The following PPP4R1 variants were observed in gnomAD, a reference collection of about 807,000 sequenced individuals.
PPP4R1 encodes protein phosphatase 4 regulatory subunit 1.
In PPP4R1, 42 loss-of-function variants were observed where a neutral mutation model predicts 111.2. The ratio of observed to expected loss-of-function variants is 0.38; its 90% CI spans 0.29 to 0.49. The LOEUF (loss-of-function observed/expected upper bound fraction) is 0.49, where lower values mean the gene tolerates loss of function less well. Ranked by LOEUF, PPP4R1 falls within the 20% of genes least tolerant of loss-of-function variation. The pLI is 0.97. For missense variants in PPP4R1, 1,012 were observed against 1,161.6 expected (o/e 0.87, Z 1.87); for synonymous variants, 409 against 405.5 (o/e 1.01, Z -0.10).
In PPP4R1 at chr18:9,562,496, A is replaced by T. The variant is rs2066694010; in HGVS notation, c.1747-421T>A. ...CAAATTATATATATGTTAACAGCCA[A>T]AAACAGTAACAACAACAACAACATA... On this transcript the variant is annotated intron_variant, in intron 12 of 19. Coordinates refer to ENST00000400556, the MANE Select transcript of PPP4R1 (RefSeq NM_001042388.3). Among the ~76,000 whole-genome samples, 3 of 152,220 alleles carry T rather than the reference A, an allele frequency of 2.0e-5. No homozygotes were observed. In the South Asian group the frequency reaches 6.2e-4, roughly 31 times the overall value.
intron 6 of PPP4R1, among the ~76,000 whole-genome samples, chr18:9,585,225 A>C (rs936210703): frequency 3.9e-5 from 6 of 152,170 alleles, no homozygotes; most frequent in African/African-American, 1.4e-4. Flanking sequence ...TTCAAAGGGA[A>C]AACTATCCCC....
At chr18:9,561,889 T>C in intron 13 of PPP4R1, 91 bp downstream of exon 13, 2 of 999,898 alleles carry the variant, frequency 2.0e-6, no homozygotes, top group Non-Finnish European at 3.1e-6. Context: ...AGAACACTCA[T>C]CATAAAGAAG....
At chr18:9,611,357 A>G (rs950631288) in intron 2 of PPP4R1, among the ~76,000 whole-genome samples, 8 of 151,970 alleles carry the variant, frequency 5.3e-5, no homozygotes, top group Admixed American at 3.3e-4. Flanking sequence ...GGGCAGCCCA[A>G]GCTCCGTTCC....
Position 9,559,577 on chromosome 18 carries a change from G to A in PPP4R1, c.1870C>T (p.Gln624Ter). 2 of 1,607,454 alleles carry A rather than the reference G, an allele frequency of 1.2e-6. No homozygotes were observed. The highest frequency in any genetic ancestry group is 8.5e-7 in the Non-Finnish European group (1 of 1,176,340). ...GAAGGGTCAGTCATAGATAAATACTGATCTAACAACGCCTGAGGTACAACA... is the reference window on the plus strand; with the variant it reads ...GAAGGGTCAGTCATAGATAAATACTAATCTAACAACGCCTGAGGTACAACA... ...QDVVPQALLDQYLSMTDPSRA... is the reference protein window; with the variant it reads ...QDVVPQALLD Residue 624 changes from glutamine to a stop codon, truncating the protein, a stop_gained, in exon 14 of 20, where the codon CAG (glutamine) becomes TAG (stop). Transcript: ENST00000400556. LOFTEE classifies it high-confidence loss of function.
intron 9 of PPP4R1, 49 bp downstream of exon 9, chr18:9,583,068 A>G: frequency 1.4e-6 from 2 of 1,466,946 alleles, no homozygotes; most frequent in Non-Finnish European, 1.8e-6. Context: ...GTTTGCTTTA[A>G]AACGGACACA....
intron 16 of PPP4R1, among the ~76,000 whole-genome samples, chr18:9,552,389 T>G (rs2144980206): frequency 6.6e-6 from 1 of 152,278 alleles, no homozygotes; most frequent in Admixed American, 6.5e-5. Flanking sequence ...GATAAGCGAG[T>G]GATGGATATG....
intron 2 of PPP4R1, among the ~76,000 whole-genome samples, chr18:9,604,847 C>T (rs948678100): frequency 6.6e-6 from 1 of 152,096 alleles, no homozygotes; most frequent in Non-Finnish European, 1.5e-5. Flanking sequence ...CATGGAGGCA[C>T]ATTCATTAAT....
intron 9 of PPP4R1, among the ~76,000 whole-genome samples, chr18:9,578,078 C>T (rs890045405): frequency 5.3e-5 from 8 of 152,078 alleles, no homozygotes; most frequent in Non-Finnish European, 1.0e-4. Context: ...CACTTCATGT[C>T]GTATTTCTGT....
chr18:9,587,083 G>A (rs1436375504), intron 6 of PPP4R1, among the ~76,000 whole-genome samples: 1 of 152,162 alleles, frequency 6.6e-6, no homozygotes, highest in Non-Finnish European at 1.5e-5. Flanking sequence ...GTCAGAGCAG[G>A]AGCAAAGTAT....
At chr18:9,553,857 A>G (rs1355092843) in intron 15 of PPP4R1, among the ~76,000 whole-genome samples, 1 of 152,232 alleles carries the variant, frequency 6.6e-6, no homozygotes, top group Non-Finnish European at 1.5e-5. Flanking sequence ...AAATAAATGT[A>G]TCCCAATAGC....
At chr18:9,584,363 C>T (rs1412174705) in intron 8 of PPP4R1, 152 bp downstream of exon 8, 4 of 560,922 alleles carry the variant, frequency 7.1e-6, no homozygotes, top group Non-Finnish European at 1.2e-5. Context: ...GCCCAGATTA[C>T]AGATATTTAA....
intron 11 of PPP4R1, chr18:9,563,779 C>A (rs112258713): frequency 1.1e-4 from 40 of 369,520 alleles, no homozygotes; most frequent in Non-Finnish European, 1.9e-4. Flanking sequence ...TGCTACTGTA[C>A]ATTATTCTGC....
intron 15 of PPP4R1, among the ~76,000 whole-genome samples, chr18:9,555,459 T>A (rs1196321924): frequency 6.6e-6 from 1 of 152,134 alleles, no homozygotes; most frequent in Non-Finnish European, 1.5e-5. Flanking sequence ...AAAAAGATAT[T>A]CAGAGTTCTA....
At position 9,570,029 on chromosome 18, in the gene PPP4R1, T is replaced by C. The variant is rs182620079; in HGVS notation, c.1573+128A>G. On this transcript the variant is annotated intron_variant, in intron 11 of 19. Coordinates refer to ENST00000400556, the MANE Select transcript of PPP4R1 (RefSeq NM_001042388.3). ...CCTCTCAAAGTGCTGGTATTATAGGTATGAGTCACTGTGCCCAGTCCATAA... is the reference window on the plus strand; with the variant it reads ...CCTCTCAAAGTGCTGGTATTATAGGCATGAGTCACTGTGCCCAGTCCATAA... The C allele has an allele frequency of 1.5e-3, 1,449 of 986,230 alleles. 3 individuals are homozygous for C. Among genetic ancestry groups the C allele is most frequent in the Non-Finnish European group, 1.9e-3 (1,354 of 719,258 alleles). 61.1% of individuals were successfully genotyped at this position (986,230 alleles called of 1,614,324 possible). A position where few individuals can be genotyped will look rare whatever the true frequency, so the allele number is the denominator to read the frequency against.
intron 9 of PPP4R1, among the ~76,000 whole-genome samples, chr18:9,577,633 C>T (rs926039079): frequency 1.3e-5 from 2 of 152,166 alleles, no homozygotes; most frequent in Non-Finnish European, 2.9e-5. Flanking sequence ...CACCACTGTA[C>T]TCCAGCCTGG....
intron 12 of PPP4R1, among the ~76,000 whole-genome samples, chr18:9,562,486 T>G (rs1370701892): frequency 6.6e-6 from 1 of 152,182 alleles, no homozygotes; most frequent in Non-Finnish European, 1.5e-5. Flanking sequence ...TATATATATG[T>G]TAACAGCCAA....
Position 9,550,103 on chromosome 18 carries a change from A to C in PPP4R1, c.2496T>G (p.Phe832Leu). 6.2e-7 allele frequency: 1 copy of C among 1,614,252 alleles called. No individual in the cohort carries two copies. The highest frequency in any genetic ancestry group is 8.5e-7 in the Non-Finnish European group (1 of 1,180,036). The change falls in exon 18 of 20, where the codon TTT (phenylalanine) becomes TTG (leucine). Residue 832 changes from phenylalanine to leucine, a missense_variant. By Grantham distance (22) the Phe-to-Leu change is conservative. Around this residue, in one of 2 missense-constraint regions of PPP4R1, gnomAD observed 305 missense variants for 419.5 expected, o/e 0.73. Transcript: ENST00000400556. ...VDLINELVEN[F>L]GRCPKWSGRQ... ...GACCAGACCACTTGGGACATCTGCC[A>C]AAGTTCTCCACAAGCTCATTGATGA...
intron 2 of PPP4R1, among the ~76,000 whole-genome samples, chr18:9,613,233 T>C (rs1194441502): frequency 6.6e-6 from 1 of 152,360 alleles, no homozygotes; most frequent in East Asian, 1.9e-4. Flanking sequence ...TTGCACACTC[T>C]GCATTTTTAA....
chr18:9,572,467 C>A (rs922922088), intron 10 of PPP4R1, among the ~76,000 whole-genome samples: 1 of 152,072 alleles, frequency 6.6e-6, no homozygotes, highest in Non-Finnish European at 1.5e-5. Flanking sequence ...AAAAACACAG[C>A]AAAACAGATT....
Sources: gnomAD v4.1 joint callset for allele counts (sites outside exome capture counted in the v4.1 genomes callset) on GRCh38, gnomAD v4.1.1 for gene constraint, gnomAD v4.1.1 regional missense constraint, MANE v1.5 for transcripts, NCBI Gene and HGNC (gene_info 2026-07-23, HGNC 2026-07-21) for gene names.